STX8: variants seen among roughly 807,000 people sequenced by gnomAD.
The protein encoded by STX8 is syntaxin-8.
STX8 carries 23 observed loss-of-function variants against 37.5 expected under a neutral mutation model. That is an observed-to-expected ratio of 0.61 (90% CI 0.44 to 0.87). The LOEUF (loss-of-function observed/expected upper bound fraction) is 0.87. Ranked by LOEUF, STX8 falls within the 40% of genes least tolerant of loss-of-function variation. STX8 has a pLI of 0.00. For missense variants in STX8, 313 were observed against 284.7 expected, an observed-to-expected ratio of 1.10 and a Z score of -0.71; for synonymous variants, 115 against 99.1, an observed-to-expected ratio of 1.16 and a Z score of -0.95.
chr17:9,558,993 A>T (rs1484298922), intron 2 of STX8, among the ~76,000 whole-genome samples: 1 of 152,196 alleles, frequency 6.6e-6, no homozygotes, highest in East Asian at 1.9e-4. Flanking sequence ...TCACATAGAA[A>T]GATATCCATC....
intron 3 of STX8, chr17:9,556,796 C>CAT (rs111975191): frequency 0.012 from 236 of 19,128 alleles, 3 homozygotes; most frequent in African/African-American, 0.047. Flanking sequence ...TATATATATA[C>CAT]ACATACATAT....
chr17:9,340,399 T>G (rs1334670902), intron 7 of STX8, among the ~76,000 whole-genome samples: 1 of 152,240 alleles, frequency 6.6e-6, no homozygotes, highest in East Asian at 1.9e-4. Context: ...AAATGAAAAT[T>G]AGAAGATATT....
chr17:9,315,986 G>C (rs1909370518), intron 7 of STX8, among the ~76,000 whole-genome samples: 1 of 150,054 alleles, frequency 6.7e-6, no homozygotes, highest in African/African-American at 2.5e-5. Context: ...CTGCACTCCA[G>C]CCTGGGTGAT....
chr17:9,269,411 C>T (rs1907367883), intron 7 of STX8, among the ~76,000 whole-genome samples: 1 of 152,112 alleles, frequency 6.6e-6, no homozygotes, highest in African/African-American at 2.4e-5. Flanking sequence ...AGCTGAGTGT[C>T]AGAGGTTACA....
At chr17:9,362,738 C>T (rs376688363) in intron 7 of STX8, among the ~76,000 whole-genome samples, 16 of 150,928 alleles carry the variant, frequency 1.1e-4, no homozygotes, top group Middle Eastern at 3.4e-3. Context: ...AGGAGAATGG[C>T]GTGAACTCAG....
intron 6 of STX8, among the ~76,000 whole-genome samples, chr17:9,414,684 A>G (rs1913116214): frequency 6.6e-6 from 1 of 152,078 alleles, no homozygotes; most frequent in South Asian, 2.1e-4. Flanking sequence ...CCAGTCAGGC[A>G]CAAATCTGTT....
intron 7 of STX8, among the ~76,000 whole-genome samples, chr17:9,268,095 C>A (rs1474665904): frequency 3.3e-5 from 5 of 152,120 alleles, no homozygotes; most frequent in Non-Finnish European, 5.9e-5. Flanking sequence ...CCCAGACCCT[C>A]CCATATGCTC....
rs149954024 is a variant in STX8, at chr17:9,405,445, A to G, written c.542-26792T>C. 3.3e-3 allele frequency among the ~76,000 whole-genome samples: 503 copies of G among 152,294 alleles called. 2 individuals are homozygous for G. The highest frequency in any genetic ancestry group is 0.018 in the South Asian group (87 of 4,824). ...CCCTGACTTCAGGGACAAAGCATCAATGAAATCGATCTGGAAAAGGGGCTC... is the reference window on the plus strand; with the variant it reads ...CCCTGACTTCAGGGACAAAGCATCAGTGAAATCGATCTGGAAAAGGGGCTC... On this transcript the variant is annotated intron_variant, in intron 6 of 7. Transcript: ENST00000306357.
intron 7 of STX8, among the ~76,000 whole-genome samples, chr17:9,359,839 T>C (rs866773175): frequency 6.6e-5 from 10 of 152,100 alleles, no homozygotes; most frequent in Middle Eastern, 3.4e-3. Flanking sequence ...CTCTGGTTAA[T>C]GAAATTTCAG....
intron 3 of STX8, chr17:9,556,750 AATATATATATATATATATATATATAT>A (rs575240217): frequency 2.4e-4 from 24 of 99,548 alleles, no homozygotes; most frequent in African/African-American, 8.6e-4. Context: ...GAATTTCTAA[AATATATATATATATATATATATATAT>A]ATATATATAT....
At chr17:9,544,303 C>A (rs889830335) in intron 4 of STX8, among the ~76,000 whole-genome samples, 1 of 152,094 alleles carries the variant, frequency 6.6e-6, no homozygotes, top group Non-Finnish European at 1.5e-5. Context: ...AAAGAGGTAG[C>A]AATTTACGGT....
At chr17:9,350,191 G>A (rs973888216) in intron 7 of STX8, among the ~76,000 whole-genome samples, 3 of 141,284 alleles carry the variant, frequency 2.1e-5, no homozygotes, top group Admixed American at 7.0e-5. Flanking sequence ...AATGGGCCGC[G>A]TATACAGCGT....
intron 4 of STX8, among the ~76,000 whole-genome samples, chr17:9,515,459 T>C (rs2142514660): frequency 6.6e-6 from 1 of 152,224 alleles, no homozygotes; most frequent in African/African-American, 2.4e-5. Flanking sequence ...TCTTCCACTT[T>C]ACTAAAACGA....
chr17:9,385,104 GAA>G (rs1911949718), intron 6 of STX8, among the ~76,000 whole-genome samples: 1 of 151,932 alleles, frequency 6.6e-6, no homozygotes, highest in Admixed American at 6.6e-5. Context: ...ATCCACAAAA[GAA>G]AAGAGATTGG....
Position 9,527,185 on chromosome 17 carries a change from C to CAAAAAA in STX8, c.323+17981_323+17986dup, listed in dbSNP as rs61665330. Reference sequence around the variant, plus strand: ...TGGGCGACAGAGCGAGACTCCGTCTCAAAAAAAAAAAAAAAAAAGAGGCTG... The same window carrying CAAAAAA: ...TGGGCGACAGAGCGAGACTCCGTCTCAAAAAAAAAAAAAAAAAAAAAAAAGAGGCTG... On this transcript the variant is annotated intron_variant, in intron 4 of 7. Coordinates refer to ENST00000306357, the MANE Select transcript of STX8 (RefSeq NM_004853.3). 6.6e-4 allele frequency among the ~76,000 whole-genome samples: 33 copies of CAAAAAA among 49,630 alleles called. 13 individuals carry two copies. Among genetic ancestry groups the CAAAAAA allele is most frequent in the East Asian group, 1.7e-3 (2 of 1,152 alleles). The allele number at this position is 49,630 out of a possible 152,430, so 32.6% of individuals were successfully genotyped here.
chr17:9,353,351 A>T (rs1277367573), intron 7 of STX8, among the ~76,000 whole-genome samples: 1 of 152,194 alleles, frequency 6.6e-6, no homozygotes, highest in Non-Finnish European at 1.5e-5. Context: ...AAAGAGTCTT[A>T]GTTTCTTTTG....
chr17:9,489,541 T>C (rs1906757536), intron 6 of STX8, among the ~76,000 whole-genome samples: 1 of 152,180 alleles, frequency 6.6e-6, no homozygotes, highest in Non-Finnish European at 1.5e-5. Flanking sequence ...CCGCAGACAC[T>C]GCAGCTTACC....
chr17:9,256,884 A>G (rs1415230823), intron 7 of STX8, among the ~76,000 whole-genome samples: 1 of 152,214 alleles, frequency 6.6e-6, no homozygotes, highest in Non-Finnish European at 1.5e-5. Context: ...CTACTCATCC[A>G]TTCCCCCAGC....
chr17:9,481,984 T>C (rs1385285239), intron 6 of STX8, among the ~76,000 whole-genome samples: 1 of 152,148 alleles, frequency 6.6e-6, no homozygotes, highest in East Asian at 1.9e-4. Context: ...TGGGGACCGC[T>C]GTTCTATGGC....
Sources: allele counts gnomAD v4.1 joint callset (sites outside exome capture counted in the v4.1 genomes callset), GRCh38; gene constraint gnomAD v4.1.1; transcripts MANE v1.5; gene names NCBI Gene and HGNC (gene_info 2026-07-23, HGNC 2026-07-21).